The following GAB2 variants were observed in gnomAD, a reference collection of about 807,000 sequenced individuals.
The protein encoded by GAB2 is GRB2-associated-binding protein 2.
GAB2 carries 26 observed loss-of-function variants against 65.5 expected under a neutral mutation model. That is an observed-to-expected ratio of 0.40 (90% CI 0.29 to 0.55). The LOEUF is 0.55. Ranked by LOEUF, GAB2 falls within the 20% of genes least tolerant of loss-of-function variation. The pLI, the probability that GAB2 is intolerant of heterozygous loss-of-function variation, is 0.53. For missense variants in GAB2, 884 were observed against 875.8 expected (o/e 1.01, Z -0.12); for synonymous variants, 321 against 329.6 (o/e 0.97, Z 0.28).
chr11:78,413,933 A>G (rs1371569472), intron 1 of GAB2, among the ~76,000 whole-genome samples: 2 of 152,088 alleles, frequency 1.3e-5, no homozygotes, highest in Non-Finnish European at 2.9e-5. Context: ...TACTAAAAAT[A>G]CAAAATTAGC....
rs115499698 is a variant in GAB2 at position 78,218,036 on chromosome 11, C to T, written c.*1236G>A. On this transcript the variant is annotated 3_prime_UTR_variant, in exon 10 of 10. Coordinates refer to ENST00000361507, the MANE Select transcript of GAB2 (RefSeq NM_080491.3). The stretch of plus-strand genomic sequence containing the variant: ...TCCCTCCTTCACTTTCTGCTCCACC[C>T]TGCACCCCCAAGGATTGCGTTGGGC... 0.021 allele frequency: 3,173 copies of T among 153,312 alleles called. 106 individuals are homozygous for T. The highest frequency in any genetic ancestry group is 0.072 in the African/African-American group (2,983 of 41,576). 9.5% of individuals were successfully genotyped at this position (153,312 alleles called of 1,614,324 possible). A position where few individuals can be genotyped will look rare whatever the true frequency, so the allele number is the denominator to read the frequency against.
intron 1 of GAB2, among the ~76,000 whole-genome samples, chr11:78,319,370 C>T (rs1855678839): frequency 6.6e-6 from 1 of 152,088 alleles, no homozygotes; most frequent in Non-Finnish European, 1.5e-5. Context: ...CCCTTTGTGC[C>T]CAATAATTCT....
At chr11:78,389,906 G>A (rs1391316295) in intron 1 of GAB2, among the ~76,000 whole-genome samples, 1 of 152,104 alleles carries the variant, frequency 6.6e-6, no homozygotes, top group East Asian at 1.9e-4. Flanking sequence ...CACACAGCAG[G>A]AATTTTAGGC....
intron 1 of GAB2, among the ~76,000 whole-genome samples, chr11:78,298,780 G>A (rs918555618): frequency 6.6e-6 from 1 of 152,154 alleles, no homozygotes; most frequent in South Asian, 2.1e-4. Context: ...CAAAGCTGGG[G>A]GAAGAGTAGA....
At chr11:78,281,013 G>A (rs1866320057) in intron 1 of GAB2, 112 bp from the exon 2 acceptor site, 2 of 821,288 alleles carry the variant, frequency 2.4e-6, no homozygotes, top group South Asian at 3.4e-5. Context: ...GAGTGCAGTG[G>A]CACAATCAAA....
rs60349763 is a variant in GAB2, at chr11:78,411,159, T to TG, written c.75+6486dup. ...ACAGCAAGATTCTGGTGGGGGTGGT[T>TG]GGGGGGGGGGATGGTGGAAGGAGAA... On this transcript the variant is annotated intron_variant, in intron 1 of 9. Coordinates refer to ENST00000361507, the MANE Select transcript of GAB2 (RefSeq NM_080491.3). Among the ~76,000 whole-genome samples, 660 of 79,044 alleles carry TG rather than the reference T, an allele frequency of 8.3e-3. 3 individuals are homozygous for TG. The highest frequency in any genetic ancestry group is 0.021 in the African/African-American group (491 of 23,136). The allele number at this position is 79,044 out of a possible 152,430, so 51.9% of individuals were successfully genotyped here. A position where few individuals can be genotyped will look rare whatever the true frequency, so the allele number is the denominator to read the frequency against.
chr11:78,307,228 T>C (rs1855382179), intron 1 of GAB2, among the ~76,000 whole-genome samples: 1 of 152,180 alleles, frequency 6.6e-6, no homozygotes, highest in African/African-American at 2.4e-5. Flanking sequence ...CAACCTCATG[T>C]GCACCTAGAG....
intron 1 of GAB2, among the ~76,000 whole-genome samples, chr11:78,308,593 TACAAAC>T (rs1328729636): frequency 6.6e-6 from 1 of 152,220 alleles, no homozygotes; most frequent in Non-Finnish European, 1.5e-5. Flanking sequence ...GAGTAAATTT[TACAAAC>T]ACAAAGTTGA....
At chr11:78,256,473 G>A (rs1235563536) in intron 2 of GAB2, among the ~76,000 whole-genome samples, 2 of 152,172 alleles carry the variant, frequency 1.3e-5, no homozygotes, top group Non-Finnish European at 2.9e-5. Flanking sequence ...AAGATTAGTG[G>A]TTACCTGGTG....
At chr11:78,391,330 A>G (rs1424110646) in intron 1 of GAB2, among the ~76,000 whole-genome samples, 12 of 152,078 alleles carry the variant, frequency 7.9e-5, no homozygotes, top group Admixed American at 7.9e-4. Flanking sequence ...AATTAAAATG[A>G]CCACAAATTC....
intron 1 of GAB2, among the ~76,000 whole-genome samples, chr11:78,356,195 A>AG (rs2134711276): frequency 6.6e-6 from 1 of 151,700 alleles, no homozygotes; most frequent in African/African-American, 2.4e-5. Flanking sequence ...AAAAAAAAAA[A>AG]AGACACAGTG....
intron 1 of GAB2, among the ~76,000 whole-genome samples, chr11:78,348,766 CA>C (rs1856229440): frequency 6.6e-6 from 1 of 152,232 alleles, no homozygotes; most frequent in Admixed American, 6.5e-5. Context: ...GAAAGATTTC[CA>C]AGTGAATGTT....
chr11:78,368,850 G>A (rs1313986900), intron 1 of GAB2, among the ~76,000 whole-genome samples: 1 of 152,158 alleles, frequency 6.6e-6, no homozygotes, highest in Non-Finnish European at 1.5e-5. Flanking sequence ...GCTGAGGTGG[G>A]AGAATTGCTT....
intron 1 of GAB2, among the ~76,000 whole-genome samples, chr11:78,322,015 A>G (rs1855734097): frequency 6.6e-6 from 1 of 152,076 alleles, no homozygotes; most frequent in African/African-American, 2.4e-5. Flanking sequence ...ACTTAAATGC[A>G]AGATCTCAGC....
intron 3 of GAB2, among the ~76,000 whole-genome samples, chr11:78,249,058 G>A (rs368185574): frequency 2.0e-5 from 3 of 152,224 alleles, no homozygotes; most frequent in African/African-American, 4.8e-5. Context: ...ATTAAGTGTT[G>A]GAGCCTCTTC....
intron 1 of GAB2, among the ~76,000 whole-genome samples, chr11:78,300,516 T>TAAAAAAAAAAAAAA (rs138790128): frequency 4.9e-5 from 7 of 142,856 alleles, no homozygotes; most frequent in African/African-American, 1.8e-4. Flanking sequence ...TTTAATTTTA[T>TAAAAAAAAAAAAAA]AAAAAAACAA....
At chr11:78,369,986 G>C (rs1186107781) in intron 1 of GAB2, among the ~76,000 whole-genome samples, 1 of 151,980 alleles carries the variant, frequency 6.6e-6, no homozygotes, top group Non-Finnish European at 1.5e-5. Flanking sequence ...GGCCGGGCGC[G>C]GTGGCTCACG....
At position 78,233,040 on chromosome 11, in the gene GAB2, G is replaced by GTTTTTTTTTTTTTTT. The variant is rs372693456; in HGVS notation, c.621-6004_621-5990dup. Among the ~76,000 whole-genome samples, 741 of 131,870 alleles carry GTTTTTTTTTTTTTTT rather than the reference G, an allele frequency of 5.6e-3. 40 individuals carry two copies. The highest frequency in any genetic ancestry group is 0.021 in the African/African-American group (713 of 33,182). 86.5% of individuals were successfully genotyped at this position (131,870 alleles called of 152,430 possible). A position where few individuals can be genotyped will look rare whatever the true frequency, so the allele number is the denominator to read the frequency against. On this transcript the variant is annotated intron_variant, in intron 3 of 9. Coordinates refer to ENST00000361507, the MANE Select transcript of GAB2 (RefSeq NM_080491.3). ...ACTTACCAATACCTGGCACTGTTAA[G>GTTTTTTTTTTTTTTT]TTTTTTTTTTTTTTTTGGTGACAAG...
At chr11:78,250,057 C>A in intron 3 of GAB2, 100 bp downstream of exon 3, 1 of 1,233,898 alleles carries the variant, frequency 8.1e-7, no homozygotes, top group South Asian at 1.3e-5. Context: ...CTACCTGAAA[C>A]GATATAATGT....
Sources: allele counts gnomAD v4.1 joint callset (sites outside exome capture counted in the v4.1 genomes callset), GRCh38; gene constraint gnomAD v4.1.1; transcripts MANE v1.5; gene names NCBI Gene and HGNC (gene_info 2026-07-23, HGNC 2026-07-21).